The following SORL1 variants were observed in gnomAD, a reference collection of about 807,000 sequenced individuals.
SORL1 encodes sortilin-related receptor.
Under a neutral mutation model 273.7 loss-of-function variants are expected in SORL1, and 127 were observed. That is an observed-to-expected ratio of 0.46 (90% CI 0.40 to 0.54). The LOEUF is 0.54. Ranked by LOEUF, SORL1 falls within the 20% of genes least tolerant of loss-of-function variation. The pLI, the probability that SORL1 is intolerant of heterozygous loss-of-function variation, is 0.00. For synonymous variants in SORL1, 1,031 were observed against 1,067.4 expected, an observed-to-expected ratio of 0.97 and a Z score of 0.66; for missense variants, 2,494 against 2,846.1, an observed-to-expected ratio of 0.88 and a Z score of 2.81.
chr11:121,556,348 A>G (rs1343092348), intron 18 of SORL1, among the ~76,000 whole-genome samples: 1 of 152,192 alleles, frequency 6.6e-6, no homozygotes, highest in African/African-American at 2.4e-5. Context: ...GTGGGGCAAC[A>G]TTAGAATAGG....
intron 21 of SORL1, among the ~76,000 whole-genome samples, chr11:121,561,597 G>A (rs1862674953): frequency 6.6e-6 from 1 of 151,064 alleles, no homozygotes; most frequent in Admixed American, 6.6e-5. Context: ...GCGGAGGTGG[G>A]AGCATCACCT....
At chr11:121,480,880 C>G (rs1289790791) in intron 3 of SORL1, among the ~76,000 whole-genome samples, 1 of 145,810 alleles carries the variant, frequency 6.9e-6, no homozygotes, top group Non-Finnish European at 1.5e-5. Context: ...TCTTCCCCAG[C>G]TTCTTCCGTA....
intron 32 of SORL1, among the ~76,000 whole-genome samples, chr11:121,603,860 A>G (rs1318550247): frequency 2.0e-5 from 3 of 152,226 alleles, no homozygotes; most frequent in Non-Finnish European, 4.4e-5. Context: ...CCTTGCAGAC[A>G]TGATAGTGAT....
intron 44 of SORL1, 127 bp from the exon 45 acceptor site, chr11:121,622,035 G>T: frequency 4.9e-6 from 3 of 611,598 alleles, no homozygotes; most frequent in Non-Finnish European, 8.8e-6. Context: ...AGCAATCTAT[G>T]TGTTTTATTT....
In SORL1 at chr11:121,577,376, TG is replaced by T; in HGVS notation, c.3558del (p.Trp1186CysfsTer155). ...TGACGGGGACAACGACTGCAGGGAC[TG>T]GTCTGATGAAGCCAACTGTACCGGT... ...VCDGDNDCRD[W>X]SDEANCTAIY... On this transcript the variant is annotated frameshift_variant, in exon 25 of 48. Transcript: ENST00000260197. LOFTEE classifies it high-confidence loss of function. 1 of 1,611,692 alleles carries T rather than the reference TG, an allele frequency of 6.2e-7. No homozygotes were observed. The highest frequency in any genetic ancestry group is 8.5e-7 in the Non-Finnish European group (1 of 1,178,878).
Position 121,478,142 on chromosome 11 carries a change from A to G in SORL1, c.427A>G (p.Lys143Glu). 1 of 1,614,158 alleles carries G rather than the reference A, an allele frequency of 6.2e-7. No homozygotes were observed. Among genetic ancestry groups the G allele is most frequent in the Non-Finnish European group, 8.5e-7 (1 of 1,180,002 alleles). ...GGTGTACGTGTCTTACGACTATGGAAAATCATTCAAGAAAATTTCAGACAA... is the reference window on the plus strand; with the variant it reads ...GGTGTACGTGTCTTACGACTATGGAGAATCATTCAAGAAAATTTCAGACAA... ...SDVYVSYDYG[K>E]SFKKISDKLN... is the part of the protein sequence containing the mutation. The change falls in exon 3 of 48, where the codon AAA becomes GAA. Residue 143 changes from lysine to glutamate, a missense_variant. Coordinates refer to ENST00000260197, the MANE Select transcript of SORL1 (RefSeq NM_003105.6).
At chr11:121,557,229 C>A in intron 18 of SORL1, 85 bp from the exon 19 acceptor site, 1 of 976,622 alleles carries the variant, frequency 1.0e-6, no homozygotes, top group Non-Finnish European at 1.7e-6. Context: ...ATGTCTGTAG[C>A]AGAAGCTGAG....
chr11:121,470,881 G>T (rs1274635470), intron 2 of SORL1, among the ~76,000 whole-genome samples: 1 of 152,066 alleles, frequency 6.6e-6, no homozygotes, highest in Non-Finnish European at 1.5e-5. Flanking sequence ...TAGAGATGGG[G>T]TTTTGCCACG....
intron 38 of SORL1, chr11:121,609,075 A>G (rs988271273): frequency 6.6e-6 from 1 of 152,266 alleles, no homozygotes; most frequent in African/African-American, 2.4e-5. Context: ...GAGATGGACT[A>G]CAACTCATTT....
chr11:121,484,807 G>A (rs758911729), intron 3 of SORL1, among the ~76,000 whole-genome samples: 16 of 152,180 alleles, frequency 1.1e-4, no homozygotes, highest in Non-Finnish European at 2.9e-5. Flanking sequence ...AGGCTGGAGT[G>A]CAGTGGTGTG....
intron 2 of SORL1, among the ~76,000 whole-genome samples, chr11:121,475,557 C>T (rs531645622): frequency 7.2e-5 from 11 of 152,324 alleles, no homozygotes; most frequent in Middle Eastern, 3.4e-3. Context: ...AGGCTTTCTA[C>T]TTGGTTAATG....
At chr11:121,457,273 TA>T (rs899565518) in intron 1 of SORL1, among the ~76,000 whole-genome samples, 2 of 152,116 alleles carry the variant, frequency 1.3e-5, no homozygotes, top group Admixed American at 1.3e-4. Flanking sequence ...AGGGATGAAA[TA>T]AAAAGCTGTC....
At chr11:121,463,006 A>T (rs1861026176) in intron 1 of SORL1, among the ~76,000 whole-genome samples, 1 of 152,176 alleles carries the variant, frequency 6.6e-6, no homozygotes, top group Non-Finnish European at 1.5e-5. Flanking sequence ...ACCATCCTGA[A>T]GAGCTGTGAG....
At chr11:121,586,085 A>C (rs1863100896) in intron 26 of SORL1, 137 bp from the exon 27 acceptor site, 1 of 677,440 alleles carries the variant, frequency 1.5e-6, no homozygotes, top group Non-Finnish European at 2.8e-6. Context: ...AAGTGTGTAT[A>C]CATTTGTCAT....
intron 32 of SORL1, among the ~76,000 whole-genome samples, chr11:121,603,096 A>G (rs918446163): frequency 1.3e-5 from 2 of 152,244 alleles, no homozygotes; most frequent in Non-Finnish European, 1.5e-5. Context: ...GCCCACCTGG[A>G]TAATCCAGGC....
Position 121,452,491 on chromosome 11 carries a change from G to A in SORL1, c.160G>A (p.Asp54Asn). Residue 54 changes from aspartate to asparagine, a missense_variant, in exon 1 of 48, where the codon GAC (aspartate) becomes AAC (asparagine). Coordinates refer to ENST00000260197, the MANE Select transcript of SORL1 (RefSeq NM_003105.6). This position sits in a 1 kb window ranked among gnomAD's most constrained non-coding sequence, Gnocchi z 5.3. ...QDRGFLVVQG[D>N]PRELRLWARG... is the part of the protein sequence containing the mutation. ...CCGGGGCTTCCTCGTGGTGCAGGGC[G>A]ACCCGCGCGAGCTGCGGCTGTGGGC... 6.7e-7 allele frequency: 1 copy of A among 1,485,486 alleles called. No homozygotes were observed. Among genetic ancestry groups the A allele is most frequent in the South Asian group, 1.3e-5 (1 of 78,386 alleles). 92.0% of individuals were successfully genotyped at this position (1,485,486 alleles called of 1,614,324 possible).
intron 24 of SORL1, chr11:121,576,771 C>T (rs549873205): frequency 1.7e-5 from 25 of 1,482,020 alleles, no homozygotes; most frequent in East Asian, 1.2e-4. Flanking sequence ...CAGAAAGTCC[C>T]GAGTTATGTT....
At chr11:121,466,214 C>T (rs552792264) in intron 1 of SORL1, among the ~76,000 whole-genome samples, 47 of 152,226 alleles carry the variant, frequency 3.1e-4, no homozygotes, top group Non-Finnish European at 5.3e-4. Context: ...GTTCACACCC[C>T]GGGGTTGTGG....
At chr11:121,516,913 G>A (rs921791822) in intron 8 of SORL1, among the ~76,000 whole-genome samples, 1 of 152,142 alleles carries the variant, frequency 6.6e-6, no homozygotes, top group Non-Finnish European at 1.5e-5. Context: ...TTAGCTGGGC[G>A]TGGTGGCACG....
Sources: gnomAD v4.1 joint callset for allele counts (sites outside exome capture counted in the v4.1 genomes callset) on GRCh38, gnomAD v4.1.1 for gene constraint, Gnocchi (gnomAD v3.1) non-coding constraint, MANE v1.5 for transcripts, NCBI Gene and HGNC (gene_info 2026-07-23, HGNC 2026-07-21) for gene names.